Variants in ANKS1B observed in about 807,000 individuals in gnomAD.
The protein encoded by ANKS1B is ankyrin repeat and sterile alpha motif domain containing 1B, also known as ankyrin repeat and sterile alpha motif domain-containing protein 1B.
In ANKS1B, 36 loss-of-function variants were observed where a neutral mutation model predicts 148.3. The observed-to-expected ratio is 0.24, with a 90% CI of 0.19 to 0.32. The LOEUF (loss-of-function observed/expected upper bound fraction) is 0.32, where lower values mean the gene tolerates loss of function less well. Among genes scored for constraint, ANKS1B ranks in the 10% least tolerant of loss-of-function variants. The probability of loss-of-function intolerance (pLI) is 1.00; values close to 1 mark genes in which losing one functional copy is unlikely to be tolerated. For missense variants in ANKS1B, 1,157 were observed against 1,542.6 expected (o/e 0.75, Z 4.19); for synonymous variants, 542 against 560.8 (o/e 0.97, Z 0.47).
chr12:99,976,289 G>A (rs1310041066), intron 1 of ANKS1B, among the ~76,000 whole-genome samples: 1 of 152,186 alleles, frequency 6.6e-6, no homozygotes, highest in Non-Finnish European at 1.5e-5. Flanking sequence ...TCAGTGTCAT[G>A]CAATATTTCC....
intron 9 of ANKS1B, among the ~76,000 whole-genome samples, chr12:99,532,338 G>GT (rs201016379): frequency 2.6e-5 from 4 of 151,976 alleles, no homozygotes; most frequent in African/African-American, 9.7e-5. Context: ...TACATTTAAG[G>GT]TTTTTTTGTT....
chr12:98,743,844 T>C, downstream of ANKS1B: 1 of 280,428 alleles, frequency 3.6e-6, no homozygotes, highest in Non-Finnish European at 5.4e-6. Flanking sequence ...CTTGGAACTG[T>C]GCAACTTTTC....
At chr12:99,974,356 G>A (rs1040044080) in intron 1 of ANKS1B, among the ~76,000 whole-genome samples, 4 of 152,156 alleles carry the variant, frequency 2.6e-5, no homozygotes, top group South Asian at 2.1e-4. Context: ...GCAGTGGTCT[G>A]AAAACAAATC....
At chr12:99,357,277 T>G (rs1159171886) in intron 12 of ANKS1B, among the ~76,000 whole-genome samples, 1 of 152,152 alleles carries the variant, frequency 6.6e-6, no homozygotes, top group Non-Finnish European at 1.5e-5. Flanking sequence ...TAATTAAATT[T>G]TATCATTTAA....
chr12:98,961,282 T>C (rs1435338515), intron 17 of ANKS1B, among the ~76,000 whole-genome samples: 1 of 152,166 alleles, frequency 6.6e-6, no homozygotes, highest in Non-Finnish European at 1.5e-5. Context: ...ATATGCCTGG[T>C]AGCAGACTTT....
intron 1 of ANKS1B, among the ~76,000 whole-genome samples, chr12:99,839,901 C>A (rs750356112): frequency 3.6e-4 from 54 of 151,776 alleles, no homozygotes; most frequent in Admixed American, 7.2e-4. Context: ...TTTTTCATGT[C>A]TTTTAATTAC....
chr12:98,938,508 C>T (rs1203454971), intron 17 of ANKS1B, among the ~76,000 whole-genome samples: 1 of 152,146 alleles, frequency 6.6e-6, no homozygotes, highest in Admixed American at 6.5e-5. Flanking sequence ...GGGCTGAGAA[C>T]CATTGTTTCA....
Position 98,954,720 on chromosome 12 carries a change from C to T in ANKS1B, c.2778+98437G>A, listed in dbSNP as rs1480402258. ...AACAGATGATGTCACTATATTCTTCCACTAGCCTAGGTTCTTAAAAGCTCT... is the reference window on the plus strand; with the variant it reads ...AACAGATGATGTCACTATATTCTTCTACTAGCCTAGGTTCTTAAAAGCTCT... On this transcript the variant is annotated intron_variant, in intron 17 of 26. Transcript: ENST00000683438. 3.3e-5 allele frequency among the ~76,000 whole-genome samples: 5 copies of T among 152,254 alleles called. No individual in the cohort carries two copies. The East Asian group carries it at 9.6e-4, about 29-fold the overall frequency.
At chr12:98,921,841 G>A (rs1165115165) in intron 17 of ANKS1B, among the ~76,000 whole-genome samples, 1 of 152,176 alleles carries the variant, frequency 6.6e-6, no homozygotes, top group Non-Finnish European at 1.5e-5. Flanking sequence ...GCATAGAATT[G>A]TCCTTCCAGA....
chr12:99,736,044 T>C (rs2059589224), intron 8 of ANKS1B, among the ~76,000 whole-genome samples: 1 of 151,866 alleles, frequency 6.6e-6, no homozygotes, highest in African/African-American at 2.4e-5. Context: ...AGAAAAAGCA[T>C]TTGATAAAAT....
intron 15 of ANKS1B, among the ~76,000 whole-genome samples, chr12:99,151,197 T>C (rs2074781636): frequency 6.6e-6 from 1 of 152,040 alleles, no homozygotes; most frequent in Non-Finnish European, 1.5e-5. Flanking sequence ...AGGATAAATA[T>C]CAGCCTGAAG....
chr12:99,160,607 C>T (rs2076562882), intron 14 of ANKS1B, among the ~76,000 whole-genome samples: 1 of 151,842 alleles, frequency 6.6e-6, no homozygotes, highest in Admixed American at 6.6e-5. Context: ...CTCGGCCTCC[C>T]AAAGTGCTGG....
chr12:99,533,492 T>A (rs377130038), intron 9 of ANKS1B, among the ~76,000 whole-genome samples: 1 of 152,198 alleles, frequency 6.6e-6, no homozygotes, highest in African/African-American at 2.4e-5. Flanking sequence ...AAGAAGATAG[T>A]TTGGCTTCCT....
intron 16 of ANKS1B, among the ~76,000 whole-genome samples, chr12:99,068,787 GTCCT>G (rs1261521335): frequency 6.6e-6 from 1 of 151,874 alleles, no homozygotes; most frequent in Non-Finnish European, 1.5e-5. Context: ...CCTAGTCCTA[GTCCT>G]AGTCCTAGCA....
chr12:99,024,248 G>A (rs1376420566), intron 17 of ANKS1B, among the ~76,000 whole-genome samples: 1 of 152,048 alleles, frequency 6.6e-6, no homozygotes, highest in Non-Finnish European at 1.5e-5. Flanking sequence ...AGAACATTAT[G>A]TATTTTTAAA....
chr12:99,144,343 T>A (rs542310178), intron 15 of ANKS1B, among the ~76,000 whole-genome samples: 4 of 152,178 alleles, frequency 2.6e-5, no homozygotes, highest in Admixed American at 6.5e-5. Flanking sequence ...TTGCCAGTTC[T>A]CATATTAAAT....
chr12:99,219,787 T>G (rs758358803), intron 14 of ANKS1B, among the ~76,000 whole-genome samples: 2 of 152,202 alleles, frequency 1.3e-5, no homozygotes, highest in African/African-American at 2.4e-5. Flanking sequence ...AATTCAGTCT[T>G]TGAGCATAGC....
intron 1 of ANKS1B, among the ~76,000 whole-genome samples, chr12:99,936,039 T>C (rs889658742): frequency 6.6e-6 from 1 of 152,156 alleles, no homozygotes; most frequent in African/African-American, 2.4e-5. Context: ...CAGATGTTTA[T>C]AAAATGATCA....
At chr12:99,011,587 C>T (rs888823351) in intron 17 of ANKS1B, among the ~76,000 whole-genome samples, 3 of 152,160 alleles carry the variant, frequency 2.0e-5, no homozygotes, top group African/African-American at 7.2e-5. Context: ...ATTGCACTGT[C>T]AATAGCCAAG....
Sources: allele counts gnomAD v4.1 joint callset (sites outside exome capture counted in the v4.1 genomes callset), GRCh38; gene constraint gnomAD v4.1.1; transcripts MANE v1.5; gene names NCBI Gene and HGNC (gene_info 2026-07-23, HGNC 2026-07-21).